Variants in ATR observed in about 807,000 individuals in gnomAD.
ATR encodes the protein serine/threonine-protein kinase ATR.
Under a neutral mutation model 305.3 loss-of-function variants are expected in ATR, and 142 were observed. The observed-to-expected ratio is 0.47, with a 90% confidence interval of 0.41 to 0.53. ATR has a LOEUF of 0.53. ATR is among the 20% of genes least tolerant of loss of function. ATR has a pLI of 0.00. For synonymous variants in ATR, 1,050 were observed against 1,068.1 expected (o/e 0.98, Z 0.33); for missense variants, 2,135 against 3,133.1 (o/e 0.68, Z 7.60).
intron 15 of ATR, among the ~76,000 whole-genome samples, chr3:142,548,753 T>C (rs1343150850): frequency 1.3e-5 from 2 of 152,160 alleles, no homozygotes; most frequent in East Asian, 3.8e-4. Flanking sequence ...ATCAATTGTT[T>C]AGCTCAATTT....
intron 31 of ATR, among the ~76,000 whole-genome samples, chr3:142,499,419 C>T (rs1159866596): frequency 1.3e-5 from 2 of 151,898 alleles, no homozygotes; most frequent in South Asian, 2.1e-4. Context: ...CTCAGCCTCC[C>T]GAGTAGTTGG....
intron 28 of ATR, among the ~76,000 whole-genome samples, chr3:142,506,618 T>G (rs1267555887): frequency 2.6e-5 from 4 of 151,792 alleles, no homozygotes; most frequent in Non-Finnish European, 4.4e-5. Context: ...GCCTGGGAGG[T>G]GGAGGTTGCA....
intron 17 of ATR, 123 bp downstream of exon 17, chr3:142,542,533 ATATGAGTTC>A: frequency 1.1e-6 from 1 of 883,118 alleles, no homozygotes; most frequent in South Asian, 1.5e-5. Flanking sequence ...CAAAAAACGT[ATATGAGTTC>A]TTCAGCAATA....
At chr3:142,530,410 T>G (rs1216496671) in intron 21 of ATR, among the ~76,000 whole-genome samples, 3 of 152,234 alleles carry the variant, frequency 2.0e-5, no homozygotes, top group African/African-American at 7.2e-5. Context: ...GAGGAGGAAC[T>G]GTCATCAATT....
chr3:142,560,127 A>C, intron 6 of ATR, 136 bp downstream of exon 6: 1 of 839,228 alleles, frequency 1.2e-6, no homozygotes, highest in Non-Finnish European at 2.0e-6. Flanking sequence ...TTGACTCAAT[A>C]GAAAATAAAT....
At chr3:142,458,717 C>A (rs1317843347) in intron 44 of ATR, among the ~76,000 whole-genome samples, 1 of 152,132 alleles carries the variant, frequency 6.6e-6, no homozygotes, top group African/African-American at 2.4e-5. Flanking sequence ...TGAGTCAGAA[C>A]CTAAACCTAT....
chr3:142,550,003 A>G, intron 14 of ATR, 129 bp downstream of exon 14: 2 of 1,226,036 alleles, frequency 1.6e-6, no homozygotes, highest in South Asian at 1.3e-5. Context: ...ATAAAGAACA[A>G]TGACTCAAAT....
intron 39 of ATR, 62 bp downstream of exon 39, chr3:142,467,872 T>C: frequency 6.4e-7 from 1 of 1,573,856 alleles, no homozygotes; most frequent in South Asian, 1.2e-5. Flanking sequence ...TGAAAAAATC[T>C]GCTCAAATTA....
chr3:142,566,651 G>T lies in ATR; in HGVS notation c.152-390C>A, dbSNP rs547637801. 2.7e-5 allele frequency among the ~76,000 whole-genome samples: 4 copies of T among 149,606 alleles called. No individual in the cohort carries two copies. In the East Asian group the frequency reaches 7.8e-4, roughly 29 times the overall value. On this transcript the variant is annotated intron_variant, in intron 2 of 46. Coordinates refer to ENST00000350721, the MANE Select transcript of ATR (RefSeq NM_001184.4). Reference sequence around the variant, plus strand: ...AATTAAAAAAAAAAAAACAAAAAGTGGGGTGGGGGTGGGGAACCAGACTTT... The same window carrying T: ...AATTAAAAAAAAAAAAACAAAAAGTTGGGTGGGGGTGGGGAACCAGACTTT...
intron 35 of ATR, among the ~76,000 whole-genome samples, chr3:142,486,510 T>A (rs2030934684): frequency 6.6e-6 from 1 of 152,140 alleles, no homozygotes; most frequent in Admixed American, 6.6e-5. Flanking sequence ...AGCTTAGATT[T>A]TAAATATTTA....
chr3:142,524,199 C>T lies in ATR; in HGVS notation c.3946G>A (p.Glu1316Lys). The T allele has an allele frequency of 6.2e-7, 1 of 1,610,770 alleles. No homozygotes were observed. Among genetic ancestry groups the T allele is most frequent in the Middle Eastern group, 1.7e-4 (1 of 6,058 alleles). The change falls in exon 22 of 47, where the codon GAA becomes AAA. Residue 1316 changes from glutamate to lysine, a missense_variant and splice_region_variant. This residue lies in a region of ATR where 530 missense variants were observed against 766.8 expected (regional missense o/e 0.69). Transcript: ENST00000350721. ...TCTGTTGCATACTTTATCAGTTTTTCCTAAAATAAAAGTAGAAAGAAAATT... is the reference window on the plus strand; with the variant it reads ...TCTGTTGCATACTTTATCAGTTTTTTCTAAAATAAAAGTAGAAAGAAAATT... ...SLKETLYKNQ[E>K]KLIKYATDSE...
intron 36 of ATR, among the ~76,000 whole-genome samples, chr3:142,479,068 G>A (rs2030198054): frequency 6.6e-6 from 1 of 152,122 alleles, no homozygotes; most frequent in Non-Finnish European, 1.5e-5. Flanking sequence ...CTTTTAACTG[G>A]AGCATTTAGC....
At chr3:142,561,150 A>G (rs1559996841) in intron 5 of ATR, 93 bp downstream of exon 5, 1 of 1,371,374 alleles carries the variant, frequency 7.3e-7, no homozygotes, top group East Asian at 2.3e-5. Context: ...TTCTTTGTGT[A>G]TTTAAATCAA....
intron 10 of ATR, among the ~76,000 whole-genome samples, chr3:142,554,332 A>T (rs2034585016): frequency 6.6e-6 from 1 of 151,896 alleles, no homozygotes; most frequent in East Asian, 1.9e-4. Flanking sequence ...GGTTCAAGTG[A>T]TCCTCCCACC....
chr3:142,555,108 C>G (rs927935164), intron 10 of ATR, among the ~76,000 whole-genome samples: 1 of 141,330 alleles, frequency 7.1e-6, no homozygotes, highest in African/African-American at 2.6e-5. Context: ...TGGTGGCACA[C>G]GCCTGTAATC....
chr3:142,471,741 G>A (rs1461323135), intron 36 of ATR, among the ~76,000 whole-genome samples: 4 of 152,044 alleles, frequency 2.6e-5, no homozygotes, highest in African/African-American at 9.7e-5. Flanking sequence ...TATTTATTTT[G>A]TTGTGGAATA....
At chr3:142,541,876 T>TA (rs141156491) in intron 17 of ATR, among the ~76,000 whole-genome samples, 10,419 of 145,222 alleles carry the variant, frequency 0.072, 860 homozygotes, top group African/African-American at 0.2. Flanking sequence ...GGCTCCTTAA[T>TA]AAAAAAAAAA....
chr3:142,465,499 A>G (rs1260585132), intron 40 of ATR: 1 of 222,082 alleles, frequency 4.5e-6, no homozygotes, highest in African/African-American at 2.3e-5. Flanking sequence ...ACAAGTACTT[A>G]CATATTCAAA....
intron 2 of ATR, among the ~76,000 whole-genome samples, chr3:142,566,774 C>T (rs1420204844): frequency 6.6e-6 from 1 of 151,184 alleles, no homozygotes; most frequent in Non-Finnish European, 1.5e-5. Context: ...GACACAGTCT[C>T]ACTCTGTTGC....
Sources: gnomAD v4.1 joint callset for allele counts (sites outside exome capture counted in the v4.1 genomes callset) on GRCh38, gnomAD v4.1.1 for gene constraint, gnomAD v4.1.1 regional missense constraint, MANE v1.5 for transcripts, NCBI Gene and HGNC (gene_info 2026-07-23, HGNC 2026-07-21) for gene names.